The following PIK3R1 variants were observed in gnomAD, a reference collection of about 807,000 sequenced individuals.
PIK3R1 encodes phosphatidylinositol 3-kinase regulatory subunit alpha.
A neutral mutation model predicts 98.0 loss-of-function variants in PIK3R1; 29 were observed. That is an observed-to-expected ratio of 0.30 (90% CI 0.22 to 0.40). The LOEUF (loss-of-function observed/expected upper bound fraction) is 0.40, where lower values mean the gene tolerates loss of function less well. PIK3R1 is among the 10% of genes least tolerant of loss of function. The pLI is 1.00. For missense variants in PIK3R1, 596 were observed against 872.7 expected, an observed-to-expected ratio of 0.68 and a Z score of 3.99; for synonymous variants, 282 against 311.8, an observed-to-expected ratio of 0.90 and a Z score of 1.01.
chr5:68,244,515 G>GCACCCCCCC (rs1561267462), intron 2 of PIK3R1, among the ~76,000 whole-genome samples: 1 of 11,800 alleles, frequency 8.5e-5, no homozygotes, highest in Non-Finnish European at 1.3e-4. Context: ...CTCTAGGACC[G>GCACCCCCCC]CCCCCCCGCC....
At position 68,299,026 on chromosome 5, in the gene PIK3R1, T is replaced by C. The variant is rs963611461; in HGVS notation, c.*1425T>C. ...TCTCACTTTGATTTGCTAGTTGTTA[T>C]CAATTAATGACAATTACAAACCTAC... On this transcript the variant is annotated 3_prime_UTR_variant, in exon 16 of 16. Coordinates refer to ENST00000521381, the MANE Select transcript of PIK3R1 (RefSeq NM_181523.3). The C allele has an allele frequency of 1.7e-5, 4 of 233,476 alleles. No homozygotes were observed. The highest frequency in any genetic ancestry group is 4.4e-5 in the African/African-American group (2 of 45,342). The allele number at this position is 233,476 out of a possible 1,614,324, so 14.5% of individuals were successfully genotyped here.
intron 2 of PIK3R1, among the ~76,000 whole-genome samples, chr5:68,271,887 T>C (rs7733084): frequency 0.2 from 31,124 of 152,080 alleles, 3,294 homozygotes; most frequent in South Asian, 0.22. Context: ...AGATCAAAAT[T>C]TAATAACATT....
At chr5:68,257,416 C>T (rs779515794) in intron 2 of PIK3R1, among the ~76,000 whole-genome samples, 4 of 151,846 alleles carry the variant, frequency 2.6e-5, no homozygotes, top group Non-Finnish European at 5.9e-5. Flanking sequence ...CCGGTAATTA[C>T]GGTTTAATGT....
chr5:68,224,974 A>G (rs1744221981), intron 1 of PIK3R1, among the ~76,000 whole-genome samples: 2 of 152,254 alleles, frequency 1.3e-5, no homozygotes, highest in South Asian at 2.1e-4. Context: ...TTCCTCTCTA[A>G]TATTTTTTAA....
chr5:68,274,509 G>C (rs1224553109), intron 4 of PIK3R1, among the ~76,000 whole-genome samples: 1 of 150,682 alleles, frequency 6.6e-6, no homozygotes, highest in Admixed American at 6.6e-5. Context: ...TTTTTGTGTT[G>C]AGTGCATTAA....
intron 2 of PIK3R1, among the ~76,000 whole-genome samples, chr5:68,268,409 A>G (rs1746209629): frequency 6.6e-6 from 1 of 152,322 alleles, no homozygotes. Flanking sequence ...GGTGTTAATC[A>G]TTACAAGCAT....
At chr5:68,232,967 A>G (rs1249295995) in intron 2 of PIK3R1, among the ~76,000 whole-genome samples, 2 of 152,204 alleles carry the variant, frequency 1.3e-5, no homozygotes, top group African/African-American at 2.4e-5. Flanking sequence ...TAACTTGTCA[A>G]TAGATTCTTT....
chr5:68,293,621 T>TTAAAGATGTTTCCATGTCAGC (rs1747513156), intron 10 of PIK3R1, 88 bp from the exon 11 acceptor site: 1 of 1,173,772 alleles, frequency 8.5e-7, no homozygotes, highest in African/African-American at 1.5e-5. Context: ...AATTGCAATT[T>TTAAAGATGTTTCCATGTCAGC]TAAAGATGTT....
chr5:68,225,772 A>G (rs1321752082), intron 1 of PIK3R1, among the ~76,000 whole-genome samples: 1 of 152,160 alleles, frequency 6.6e-6, no homozygotes, highest in African/African-American at 2.4e-5. Flanking sequence ...GGCATGCGTG[A>G]TGTCCTACAG....
intron 2 of PIK3R1, among the ~76,000 whole-genome samples, chr5:68,251,375 G>T (rs1399649496): frequency 3.9e-5 from 6 of 151,986 alleles, no homozygotes; most frequent in Admixed American, 3.9e-4. Context: ...CTGTGTTGAT[G>T]AGTTGGTTTT....
At chr5:68,236,380 G>T (rs1414614931) in intron 2 of PIK3R1, among the ~76,000 whole-genome samples, 2 of 151,990 alleles carry the variant, frequency 1.3e-5, no homozygotes, top group Non-Finnish European at 2.9e-5. Flanking sequence ...CTCCCGAGTA[G>T]CTGGGACTAC....
intron 2 of PIK3R1, among the ~76,000 whole-genome samples, chr5:68,251,582 G>A (rs909247607): frequency 1.3e-5 from 2 of 151,858 alleles, no homozygotes; most frequent in Non-Finnish European, 2.9e-5. Flanking sequence ...TGGTGGGGGC[G>A]GGGTGGAAAG....
Position 68,279,604 on chromosome 5 carries a change from A to G in PIK3R1, c.505A>G (p.Thr169Ala), listed in dbSNP as rs1261761196. 5 of 1,612,594 alleles carry G rather than the reference A, an allele frequency of 3.1e-6. No homozygotes were observed. The highest frequency in any genetic ancestry group is 1.3e-5 in the African/African-American group (1 of 74,696). ...AELRQLLDCD[T>A]PSVDLEMIDV... ...ATATTTCTTAAATTGTTTCCTAGAT[A>G]CACCCTCCGTGGACTTGGAAATGAT... The change falls in exon 5 of 16, where the codon ACA becomes GCA. Residue 169 changes from threonine (T) to alanine (A), a missense_variant and splice_region_variant. Around this residue, in one of 3 missense-constraint regions of PIK3R1, gnomAD observed 352 missense variants for 393.3 expected, o/e 0.90. Coordinates refer to ENST00000521381, the MANE Select transcript of PIK3R1 (RefSeq NM_181523.3).
intron 7 of PIK3R1, 45 bp downstream of exon 7, chr5:68,281,051 T>A: frequency 7.5e-7 from 1 of 1,337,128 alleles, no homozygotes; most frequent in Non-Finnish European, 1.1e-6. Flanking sequence ...GTTCATTTTT[T>A]AGAGCCTTAA....
rs1473247747 is a variant in PIK3R1, at chr5:68,294,594, A to G, written c.1484A>G (p.Glu495Gly). The G allele has an allele frequency of 6.2e-7, 1 of 1,612,272 alleles. No individual in the cohort carries two copies. Among genetic ancestry groups the G allele is most frequent in the East Asian group, 2.2e-5 (1 of 44,828 alleles). The change falls in exon 12 of 16, where the codon GAA becomes GGA. Residue 495 changes from glutamate to glycine, a missense_variant. Coordinates refer to ENST00000521381, the MANE Select transcript of PIK3R1 (RefSeq NM_181523.3). Reference sequence around the variant, plus strand: ...TTTAATGAAACCATAAAAATATTTGAAGAACAGTGCCAGACCCAAGAGCGG... The same window carrying G: ...TTTAATGAAACCATAAAAATATTTGGAGAACAGTGCCAGACCCAAGAGCGG... Reference protein sequence around the residue: ...EAFNETIKIFEEQCQTQERYS... With the variant: ...EAFNETIKIFGEQCQTQERYS...
At chr5:68,254,358 A>G (rs1745432707) in intron 2 of PIK3R1, among the ~76,000 whole-genome samples, 1 of 152,364 alleles carries the variant, frequency 6.6e-6, no homozygotes, top group South Asian at 2.1e-4. Flanking sequence ...GTTTCGAATC[A>G]TGGGATTTTA....
At position 68,299,552 on chromosome 5, in the gene PIK3R1, G is replaced by A. The variant is rs546159566; in HGVS notation, c.*1951G>A. On this transcript the variant is annotated 3_prime_UTR_variant, in exon 16 of 16. Transcript: ENST00000521381. ...TTCAGTAGGAACTGTACATGTGTTG[G>A]GAGGCATAAAGACTAATTAGCAACC... 4.3e-6 allele frequency: 1 copy of A among 233,124 alleles called. No homozygotes were observed. The highest frequency in any genetic ancestry group is 2.2e-5 in the African/African-American group (1 of 45,396). 14.4% of individuals were successfully genotyped at this position (233,124 alleles called of 1,614,324 possible). A position where few individuals can be genotyped will look rare whatever the true frequency, so the allele number is the denominator to read the frequency against.
intron 2 of PIK3R1, among the ~76,000 whole-genome samples, chr5:68,232,691 A>G (rs1744528464): frequency 6.6e-6 from 1 of 152,212 alleles, no homozygotes; most frequent in South Asian, 2.1e-4. Context: ...TATGGTAGGC[A>G]AGTTATATTT....
chr5:68,285,060 A>T (rs1747022880), intron 7 of PIK3R1, among the ~76,000 whole-genome samples: 1 of 152,224 alleles, frequency 6.6e-6, no homozygotes, highest in Non-Finnish European at 1.5e-5. Context: ...AGATTTCTGT[A>T]GGCAAACCAA....
Sources: gnomAD v4.1 joint callset for allele counts (sites outside exome capture counted in the v4.1 genomes callset) on GRCh38, gnomAD v4.1.1 for gene constraint, gnomAD v4.1.1 regional missense constraint, MANE v1.5 for transcripts, NCBI Gene and HGNC (gene_info 2026-07-23, HGNC 2026-07-21) for gene names.